Variants in CPHXL observed in about 807,000 individuals in gnomAD.
CPHXL encodes cytoplasmic polyadenylated homeobox-like protein.
Position 75,715,215 on chromosome 16 carries a change from A to C in CPHXL, c.227T>G (p.Phe76Cys). The change falls in exon 3 of 3, where the codon TTC (phenylalanine) becomes TGC (cysteine). Residue 76 changes from phenylalanine (F) to cysteine (C), a missense_variant. Coordinates refer to ENST00000640559, the MANE Select transcript of CPHXL (RefSeq NM_001355613.1). ...TGGAAGTCTGGCTCTTTTATTCTGG[A>C]ACCAATTCTAGAGAGAAAAGATAAT... ...DCPVNVIDNW[F>C]QNKRARLPPA... The C allele has an allele frequency of 2.5e-6, 1 of 398,846 alleles. No individual in the cohort carries two copies. The highest frequency in any genetic ancestry group is 4.4e-6 in the Non-Finnish European group (1 of 226,200). 24.7% of individuals were successfully genotyped at this position (398,846 alleles called of 1,614,324 possible).
At chr16:75,721,809 A>T (rs1959481569) in intron 1 of CPHXL, among the ~76,000 whole-genome samples, 1 of 152,210 alleles carries the variant, frequency 6.6e-6, no homozygotes, top group African/African-American at 2.4e-5. Context: ...CATTCTTCTC[A>T]GCACCACACC....
rs1252412254 is a variant in CPHXL at position 75,714,671 on chromosome 16, A to T, written c.771T>A (p.Ser257=). The change falls in exon 3 of 3, where the codon TCT becomes TCA. Residue 257 remains serine, a synonymous_variant. Coordinates refer to ENST00000640559, the MANE Select transcript of CPHXL (RefSeq NM_001355613.1). ...NSAECLHPPP[S]SVPYFHGERT... Reference sequence around the variant, plus strand: ...TTTCTCCATGAAAATATGGCACAGAAGATGGGGGAGGATGAAGGCATTCTG... The same window carrying T: ...TTTCTCCATGAAAATATGGCACAGATGATGGGGGAGGATGAAGGCATTCTG... 5.0e-6 allele frequency: 2 copies of T among 398,566 alleles called. No individual in the cohort carries two copies. Among genetic ancestry groups the T allele is most frequent in the Non-Finnish European group, 8.8e-6 (2 of 226,088 alleles). The allele number at this position is 398,566 out of a possible 1,614,324, so 24.7% of individuals were successfully genotyped here.
rs986973787 is a variant in CPHXL at position 75,718,325 on chromosome 16, G to A, written c.159C>T (p.Pro53=). The part of the protein sequence containing the change: ...LKEIFGENCY[P]DYTTRKTLAI... ...CCAGTGTTTTCCTAGTTGTGTAATC[G>A]GGATAACAGTTCTCTCCAAATATTT... Residue 53 remains proline, a synonymous_variant, in exon 2 of 3, where the codon CCC becomes CCT. Coordinates refer to ENST00000640559, the MANE Select transcript of CPHXL (RefSeq NM_001355613.1). 20 of 398,596 alleles carry A rather than the reference G, an allele frequency of 5.0e-5. No individual in the cohort carries two copies. The highest frequency in any genetic ancestry group is 1.4e-4 in the African/African-American group (7 of 48,596). The allele number at this position is 398,596 out of a possible 1,614,324, so 24.7% of individuals were successfully genotyped here.
chr16:75,724,412 T>A (rs1027826846), intron 1 of CPHXL, among the ~76,000 whole-genome samples: 1 of 151,980 alleles, frequency 6.6e-6, no homozygotes, highest in African/African-American at 2.4e-5. Flanking sequence ...TACAATGAAC[T>A]CAAACAAATT....
chr16:75,719,757 G>T (rs768431048), intron 1 of CPHXL, among the ~76,000 whole-genome samples: 1 of 152,010 alleles, frequency 6.6e-6, no homozygotes, highest in African/African-American at 2.4e-5. Flanking sequence ...AGAGAGTAGC[G>T]GTTCTCCCAG....
rs959774506 is a variant in CPHXL at position 75,714,348 on chromosome 16, G to A, written c.1094C>T (p.Pro365Leu). 9 of 398,434 alleles carry A rather than the reference G, an allele frequency of 2.3e-5. No individual in the cohort carries two copies. Among genetic ancestry groups the A allele is most frequent in the Non-Finnish European group, 4.0e-5 (9 of 226,074 alleles). 24.7% of individuals were successfully genotyped at this position (398,434 alleles called of 1,614,324 possible). A position where few individuals can be genotyped will look rare whatever the true frequency, so the allele number is the denominator to read the frequency against. ...QSQLPQNNGKPLCSQLQHMSL... is the reference protein window; with the variant it reads ...QSQLPQNNGKLLCSQLQHMSL... Reference sequence around the variant, plus strand: ...CATGTGCTGCAGTTGAGAGCACAACGGCTTTCCATTATTCTGAGGCAGTTG... The same window carrying A: ...CATGTGCTGCAGTTGAGAGCACAACAGCTTTCCATTATTCTGAGGCAGTTG... Residue 365 changes from proline (P) to leucine (L), a missense_variant, in exon 3 of 3, where the codon CCG (proline) becomes CTG (leucine). By Grantham distance (98) the Pro-to-Leu change is moderately conservative (BLOSUM62 -3). Transcript: ENST00000640559.
intron 1 of CPHXL, among the ~76,000 whole-genome samples, chr16:75,720,265 C>T (rs1441521652): frequency 5.9e-5 from 9 of 152,226 alleles, no homozygotes; most frequent in South Asian, 2.1e-4. Context: ...ATGACTTTGA[C>T]GAGTTGAGAG....
chr16:75,718,361 C>T lies in CPHXL; in HGVS notation c.123G>A (p.Gln41=), dbSNP rs552884690. The T allele has an allele frequency of 1.5e-5, 6 of 398,738 alleles. No homozygotes were observed. Among genetic ancestry groups the T allele is most frequent in the East Asian group, 1.4e-4 (4 of 28,070 alleles). 24.7% of individuals were successfully genotyped at this position (398,738 alleles called of 1,614,324 possible). ...HRHKFSEELL[Q]ELKEIFGENC... is the part of the protein sequence containing the mutation. Reference sequence around the variant, plus strand: ...TCTCTCCAAATATTTCCTTAAGTTCCTGCAGTAATTCTTCAGAAAATTTAT... The same window carrying T: ...TCTCTCCAAATATTTCCTTAAGTTCTTGCAGTAATTCTTCAGAAAATTTAT... The change falls in exon 2 of 3, where the codon CAG becomes CAA. Residue 41 remains glutamine, a synonymous_variant. Transcript: ENST00000640559.
chr16:75,720,479 G>A (rs180766651), intron 1 of CPHXL, among the ~76,000 whole-genome samples: 9,589 of 152,190 alleles, frequency 0.063, 398 homozygotes, highest in Non-Finnish European at 0.094. Flanking sequence ...TAGCCGATTC[G>A]ATCAACTGGA....
intron 1 of CPHXL, among the ~76,000 whole-genome samples, chr16:75,723,778 G>T (rs965324288): frequency 6.6e-6 from 1 of 152,104 alleles, no homozygotes; most frequent in Admixed American, 6.5e-5. Flanking sequence ...AACCAAAAAA[G>T]AGCCCACATT....
chr16:75,719,936 G>T (rs1024600387), intron 1 of CPHXL, among the ~76,000 whole-genome samples: 2 of 152,106 alleles, frequency 1.3e-5, no homozygotes, highest in Non-Finnish European at 2.9e-5. Flanking sequence ...AGCAACATTT[G>T]CTGCTCACCA....
intron 1 of CPHXL, among the ~76,000 whole-genome samples, chr16:75,721,657 G>C (rs1959478731): frequency 6.6e-6 from 1 of 152,180 alleles, no homozygotes; most frequent in Admixed American, 6.5e-5. Flanking sequence ...AATAATGGGA[G>C]ACTTTAATAT....
chr16:75,721,493 A>G (rs1959476347), intron 1 of CPHXL, among the ~76,000 whole-genome samples: 2 of 152,136 alleles, frequency 1.3e-5, no homozygotes, highest in South Asian at 4.1e-4. Flanking sequence ...ACAAAGATCA[A>G]AAGAGACAAA....
Position 75,726,132 on chromosome 16 carries a change from T to C in CPHXL, c.25+286A>G, listed in dbSNP as rs559143602. Among the ~76,000 whole-genome samples, 26 of 152,274 alleles carry C rather than the reference T, an allele frequency of 1.7e-4. No homozygotes were observed. The South Asian group carries it at 5.4e-3, about 32-fold the overall frequency. On this transcript the variant is annotated intron_variant, in intron 1 of 2. Coordinates refer to ENST00000640559, the MANE Select transcript of CPHXL (RefSeq NM_001355613.1). ...TGTAATGGAAAGTAATACATCTTAA[T>C]AAAATTCTACAGGATGCATTAGGTA...
Position 75,714,210 on chromosome 16 carries a change from G to C in CPHXL, c.*14C>G. On this transcript the variant is annotated 3_prime_UTR_variant, in exon 3 of 3. Transcript: ENST00000640559. ...CCTTGGTTCCCTGCTGCAGACCCTT[G>C]TCCACTCTTCAACTTAAAGTTGCTG... 1 of 398,672 alleles carries C rather than the reference G, an allele frequency of 2.5e-6. No homozygotes were observed. Among genetic ancestry groups the C allele is most frequent in the East Asian group, 3.6e-5 (1 of 28,088 alleles). The allele number at this position is 398,672 out of a possible 1,614,324, so 24.7% of individuals were successfully genotyped here.
intron 2 of CPHXL, among the ~76,000 whole-genome samples, chr16:75,717,736 A>G (rs1331583649): frequency 6.6e-6 from 1 of 152,030 alleles, no homozygotes; most frequent in Non-Finnish European, 1.5e-5. Flanking sequence ...CGCCCATCTT[A>G]TTTTCATTTT....
At chr16:75,722,311 C>G (rs144730553) in intron 1 of CPHXL, among the ~76,000 whole-genome samples, 9,614 of 152,086 alleles carry the variant, frequency 0.063, 449 homozygotes, top group African/African-American at 0.12. Flanking sequence ...ATCAATGAAT[C>G]CAGGACCTGG....
Position 75,715,221 on chromosome 16 carries a change from T to A in CPHXL, c.221A>T (p.Asn74Ile), listed in dbSNP as rs1959373434. The A allele has an allele frequency of 2.5e-6, 1 of 398,734 alleles. No homozygotes were observed. Among genetic ancestry groups the A allele is most frequent in the African/African-American group, 2.1e-5 (1 of 48,646 alleles). The allele number at this position is 398,734 out of a possible 1,614,324, so 24.7% of individuals were successfully genotyped here. The change falls in exon 3 of 3, where the codon AAT becomes ATT. Residue 74 changes from asparagine (N) to isoleucine (I), a missense_variant and splice_region_variant. By Grantham distance (149) the Asn-to-Ile change is moderately radical. Coordinates refer to ENST00000640559, the MANE Select transcript of CPHXL (RefSeq NM_001355613.1). ...TCTGGCTCTTTTATTCTGGAACCAATTCTAGAGAGAAAAGATAATATTGTT... is the reference window on the plus strand; with the variant it reads ...TCTGGCTCTTTTATTCTGGAACCAAATCTAGAGAGAAAAGATAATATTGTT... ...KFDCPVNVIDNWFQNKRARLP... is the reference protein window; with the variant it reads ...KFDCPVNVIDIWFQNKRARLP...
chr16:75,715,479 G>C (rs769707772), intron 2 of CPHXL, among the ~76,000 whole-genome samples: 2 of 152,068 alleles, frequency 1.3e-5, no homozygotes, highest in Admixed American at 1.3e-4. Flanking sequence ...GTTTACATGT[G>C]AACCTTGGCT....
Sources: allele counts gnomAD v4.1 joint callset (sites outside exome capture counted in the v4.1 genomes callset), GRCh38; gene constraint gnomAD v4.1.1; transcripts MANE v1.5; gene names NCBI Gene and HGNC (gene_info 2026-07-23, HGNC 2026-07-21).